RANBP10: variants seen among roughly 807,000 people sequenced by gnomAD.
The protein encoded by RANBP10 is RAN binding protein 10.
RANBP10 carries 24 observed loss-of-function variants against 72.8 expected under a neutral mutation model. The ratio of observed to expected loss-of-function variants is 0.33; its 90% CI spans 0.24 to 0.46. The LOEUF (loss-of-function observed/expected upper bound fraction) is 0.46. Among genes scored for constraint, RANBP10 ranks in the 20% least tolerant of loss-of-function variants. The pLI is 1.00. For synonymous variants in RANBP10, 310 were observed against 322.3 expected, an observed-to-expected ratio of 0.96 and a Z score of 0.41; for missense variants, 679 against 817.5, an observed-to-expected ratio of 0.83 and a Z score of 2.07.
intron 2 of RANBP10, among the ~76,000 whole-genome samples, chr16:67,787,236 CTCAA>C (rs796853537): frequency 8.5e-5 from 13 of 152,096 alleles, no homozygotes; most frequent in South Asian, 4.1e-4. Flanking sequence ...GAGACTCTAT[CTCAA>C]TCAATCAATC....
intron 3 of RANBP10, among the ~76,000 whole-genome samples, chr16:67,745,895 G>A (rs1283213679): frequency 6.6e-6 from 1 of 152,014 alleles, no homozygotes; most frequent in Non-Finnish European, 1.5e-5. Context: ...GGTGGCTCAC[G>A]TCTATAATCC....
intron 6 of RANBP10, among the ~76,000 whole-genome samples, chr16:67,732,738 C>T (rs2053758005): frequency 6.6e-6 from 1 of 151,912 alleles, no homozygotes; most frequent in East Asian, 1.9e-4. Flanking sequence ...GCCAACATTG[C>T]AAGATCTCAT....
chr16:67,738,122 G>A lies in RANBP10; in HGVS notation c.569-87C>T, dbSNP rs1046072983. 58 of 1,396,286 alleles carry A rather than the reference G, an allele frequency of 4.2e-5. No homozygotes were observed. In the Middle Eastern group the frequency reaches 9.3e-4, roughly 22 times the overall value. 86.5% of individuals were successfully genotyped at this position (1,396,286 alleles called of 1,614,324 possible). A position where few individuals can be genotyped will look rare whatever the true frequency, so the allele number is the denominator to read the frequency against. ...CATGGTGGAGCCAGTGCTAGGGCCG[G>A]GTAGTTGTTTTTTTTGGTTTGTTGT... On this transcript the variant is annotated intron_variant, in intron 4 of 13. Coordinates refer to ENST00000317506, the MANE Select transcript of RANBP10 (RefSeq NM_020850.3).
chr16:67,745,440 T>C (rs2054052998), intron 3 of RANBP10, among the ~76,000 whole-genome samples: 1 of 151,954 alleles, frequency 6.6e-6, no homozygotes, highest in South Asian at 2.1e-4. Flanking sequence ...GTTCAAGTGA[T>C]TCTCTTGCCT....
intron 2 of RANBP10, among the ~76,000 whole-genome samples, chr16:67,786,198 A>G (rs1026159942): frequency 2.6e-5 from 4 of 151,852 alleles, no homozygotes; most frequent in African/African-American, 9.7e-5. Context: ...TCATGGTGGC[A>G]TGCACCTGTA....
At chr16:67,726,855 GCCCAGGAGT>G (rs1390714552) in intron 13 of RANBP10, among the ~76,000 whole-genome samples, 1 of 152,226 alleles carries the variant, frequency 6.6e-6, no homozygotes, top group Non-Finnish European at 1.5e-5. Context: ...AACCATGGGA[GCCCAGGAGT>G]CCTATGAGTC....
intron 2 of RANBP10, 23 bp from the exon 3 acceptor site, chr16:67,772,109 A>AC (rs1567700850): frequency 3.1e-6 from 5 of 1,587,824 alleles, no homozygotes; most frequent in East Asian, 2.2e-5. Context: ...AAAAAAAAAA[A>AC]ACACAAAATT....
At chr16:67,756,085 A>G (rs2054281140) in intron 3 of RANBP10, among the ~76,000 whole-genome samples, 1 of 152,214 alleles carries the variant, frequency 6.6e-6, no homozygotes, top group African/African-American at 2.4e-5. Context: ...ACAGTCACAG[A>G]AATGCCAGGG....
intron 3 of RANBP10, among the ~76,000 whole-genome samples, chr16:67,767,425 C>G (rs966077618): frequency 2.0e-5 from 3 of 146,360 alleles, no homozygotes; most frequent in Non-Finnish European, 4.5e-5. Flanking sequence ...CCACTATACT[C>G]CAAGCTGGGC....
In RANBP10 at chr16:67,772,090, C is replaced by CA. The variant is rs35741053; in HGVS notation, c.348-5dup. The CA allele has an allele frequency of 0.16, 202,692 of 1,231,874 alleles. 47 individuals are homozygous for CA. Among genetic ancestry groups the CA allele is most frequent in the East Asian group, 0.18 (5,909 of 32,490 alleles). 76.3% of individuals were successfully genotyped at this position (1,231,874 alleles called of 1,614,324 possible). A position where few individuals can be genotyped will look rare whatever the true frequency, so the allele number is the denominator to read the frequency against. Reference sequence around the variant, plus strand: ...CGAGAGTCCTATTCCCATGTAACTTCAAAAAAAAAAAAAAAAAAAACACAA... The same window carrying CA: ...CGAGAGTCCTATTCCCATGTAACTTCAAAAAAAAAAAAAAAAAAAAACACAA... On this transcript the variant is annotated splice_polypyrimidine_tract_variant and splice_region_variant and intron_variant, in intron 2 of 13. Coordinates refer to ENST00000317506, the MANE Select transcript of RANBP10 (RefSeq NM_020850.3).
chr16:67,773,892 A>G (rs2054650718), intron 2 of RANBP10, among the ~76,000 whole-genome samples: 1 of 152,230 alleles, frequency 6.6e-6, no homozygotes, highest in African/African-American at 2.4e-5. Context: ...CCAGAAACAC[A>G]CAAACTGCCT....
At chr16:67,765,528 AAAAAAATAAATAAATAAATTAGT>A in intron 3 of RANBP10, among the ~76,000 whole-genome samples, 1 of 152,094 alleles carries the variant, frequency 6.6e-6, no homozygotes, top group African/African-American at 2.4e-5. Context: ...ACTCCATCTC[AAAAAAATAAATAAATAAATTAGT>A]CGGGGCTGGG....
At chr16:67,755,557 G>GC (rs1310562895) in intron 3 of RANBP10, among the ~76,000 whole-genome samples, 1 of 152,022 alleles carries the variant, frequency 6.6e-6, no homozygotes, top group African/African-American at 2.4e-5. Flanking sequence ...TGTGGTACAT[G>GC]CCTGTAATCC....
At chr16:67,737,785 A>G (rs1373290713) in intron 5 of RANBP10, among the ~76,000 whole-genome samples, 1 of 152,052 alleles carries the variant, frequency 6.6e-6, no homozygotes, top group African/African-American at 2.4e-5. Context: ...TGGAAGTGCC[A>G]CAAATTACTG....
At chr16:67,776,440 C>A (rs1427665507) in intron 2 of RANBP10, among the ~76,000 whole-genome samples, 3 of 97,388 alleles carry the variant, frequency 3.1e-5, no homozygotes, top group Non-Finnish European at 5.6e-5. Context: ...CCAGCCCGGA[C>A]AACAGACACG....
intron 3 of RANBP10, among the ~76,000 whole-genome samples, chr16:67,765,574 C>T (rs1371496699): frequency 1.3e-5 from 2 of 151,982 alleles, no homozygotes; most frequent in African/African-American, 2.4e-5. Flanking sequence ...CAGTGGCTCA[C>T]GCCTGTAGTC....
intron 2 of RANBP10, among the ~76,000 whole-genome samples, chr16:67,779,423 A>T (rs2054771898): frequency 6.6e-6 from 1 of 151,914 alleles, no homozygotes; most frequent in African/African-American, 2.4e-5. Flanking sequence ...AAACACAGCG[A>T]GATACCACTT....
At chr16:67,738,172 T>C in intron 4 of RANBP10, 137 bp from the exon 5 acceptor site, 1 of 996,566 alleles carries the variant, frequency 1.0e-6, no homozygotes, top group Admixed American at 3.0e-5. Flanking sequence ...AGAGTCTCCC[T>C]CCGTAGCCCA....
At chr16:67,761,005 C>T (rs1459647595) in intron 3 of RANBP10, among the ~76,000 whole-genome samples, 4 of 152,226 alleles carry the variant, frequency 2.6e-5, no homozygotes, top group Admixed American at 2.6e-4. Context: ...AGTACCCTGG[C>T]CTCTGCCCTT....
Sources: gnomAD v4.1 joint callset for allele counts (sites outside exome capture counted in the v4.1 genomes callset) on GRCh38, gnomAD v4.1.1 for gene constraint, MANE v1.5 for transcripts, NCBI Gene and HGNC (gene_info 2026-07-23, HGNC 2026-07-21) for gene names.